Variants in FKBP11 observed in about 807,000 individuals in gnomAD.
The protein encoded by FKBP11 is FKBP prolyl isomerase 11, also known as peptidyl-prolyl cis-trans isomerase FKBP11.
A neutral mutation model predicts 24.7 loss-of-function variants in FKBP11; 21 were observed. The ratio of observed to expected loss-of-function variants is 0.85; its 90% CI spans 0.60 to 1.23. FKBP11 has a LOEUF of 1.23. Among genes scored for constraint, FKBP11 ranks in the 50% most tolerant of loss-of-function variants. The probability of loss-of-function intolerance (pLI) is 0.00; values close to 1 mark genes in which losing one functional copy is unlikely to be tolerated. For synonymous variants in FKBP11, 106 were observed against 100.6 expected (o/e 1.05, Z -0.32); for missense variants, 245 against 248.7 (o/e 0.99, Z 0.10).
At position 48,922,080 on chromosome 12, in the gene FKBP11, G is replaced by A. The variant is rs755875914; in HGVS notation, c.510C>T (p.Gly170=). 6.2e-6 allele frequency: 10 copies of A among 1,614,078 alleles called. No homozygotes were observed. In the Admixed American group the frequency reaches 1.3e-4, roughly 22 times the overall value. The change falls in exon 6 of 6, where the codon GGC becomes GGT. Residue 170 remains glycine (G), a synonymous_variant. Coordinates refer to ENST00000550765, the MANE Select transcript of FKBP11 (RefSeq NM_016594.3). ...VGMAMVPALL[G]LIGYHLYRKA... ...TTCTGTATAGGTGATACCCAATGAGGCCCAGGAGGGCTGGCACCATGGCCA... is the reference window on the plus strand; with the variant it reads ...TTCTGTATAGGTGATACCCAATGAGACCCAGGAGGGCTGGCACCATGGCCA...
the FKBP11 span, chr12:48,931,760 C>A: frequency 2.5e-6 from 1 of 399,758 alleles, no homozygotes; most frequent in Non-Finnish European, 4.5e-6. Flanking sequence ...AAAGAATAAG[C>A]AGAACACTGC....
At chr12:48,938,117 C>T in the FKBP11 span, 9 of 311,950 alleles carry the variant, frequency 2.9e-5, no homozygotes, top group Non-Finnish European at 5.8e-5. Context: ...CTCTCCTTCC[C>T]AACAGTAAGG....
At chr12:48,928,818 C>CTTTTTTTTTT (rs1196484675), upstream of FKBP11, among the ~76,000 whole-genome samples, 24 of 94,246 alleles carry the variant, frequency 2.5e-4, no homozygotes, top group African/African-American at 4.7e-4. Flanking sequence ...AAACTTCTAT[C>CTTTTTTTTTT]TTTTTTTTTT....
In FKBP11 at chr12:48,925,063, G is replaced by C; in HGVS notation, c.178C>G (p.Leu60Val). 6.3e-7 allele frequency: 1 copy of C among 1,593,898 alleles called. No homozygotes were observed. The highest frequency in any genetic ancestry group is 8.6e-7 in the Non-Finnish European group (1 of 1,167,512). Reference protein sequence around the residue: ...CAEPAAFGDTLHIHYTGSLVD... With the variant: ...CAEPAAFGDTVHIHYTGSLVD... ...CCCCTCACCGTGTAGTGTATGTGAAGCGTGTCTCCAAAAGCAGCGGGCTCG... is the reference window on the plus strand; with the variant it reads ...CCCCTCACCGTGTAGTGTATGTGAACCGTGTCTCCAAAAGCAGCGGGCTCG... Residue 60 changes from leucine (L) to valine (V), a missense_variant, in exon 2 of 6, where the codon CTT (leucine) becomes GTT (valine). Transcript: ENST00000550765.
rs764524957 is a variant in FKBP11, at chr12:48,922,050, G to A, written c.540C>T (p.Ala180=). ...GLIGYHLYRK[A]NRPKVSKKKL... is the part of the protein sequence containing the mutation. ...TCTTTTTGGAGACTTTGGGTCTATT[G>A]GCCTTTCTGTATAGGTGATACCCAA... Residue 180 remains alanine, a synonymous_variant, in exon 6 of 6, where the codon GCC becomes GCT. Coordinates refer to ENST00000550765, the MANE Select transcript of FKBP11 (RefSeq NM_016594.3). 6.2e-7 allele frequency: 1 copy of A among 1,613,706 alleles called. No individual in the cohort carries two copies. Among genetic ancestry groups the A allele is most frequent in the Admixed American group, 1.7e-5 (1 of 59,994 alleles).
chr12:48,934,690 C>T, the FKBP11 span, among the ~76,000 whole-genome samples: 1 of 152,152 alleles, frequency 6.6e-6, no homozygotes, highest in Non-Finnish European at 1.5e-5. Context: ...GAGGTTGTAG[C>T]TCTGAAAGAT....
chr12:48,924,402 T>C (rs2137556404), intron 3 of FKBP11, 146 bp from the exon 4 acceptor site: 3 of 1,185,198 alleles, frequency 2.5e-6, no homozygotes, highest in Non-Finnish European at 3.7e-6. Flanking sequence ...ATGGGACAAG[T>C]GGAGTACTAG....
At chr12:48,924,310 A>G in intron 3 of FKBP11, 54 bp from the exon 4 acceptor site, 2 of 1,607,970 alleles carry the variant, frequency 1.2e-6, no homozygotes, top group South Asian at 2.2e-5. Context: ...CCCAAATCCC[A>G]TGACATGAAG....
At chr12:48,923,421 T>TG (rs79755809) in intron 5 of FKBP11, 556,507 of 1,500,836 alleles carry the variant, frequency 0.37, 106,432 homozygotes, top group Admixed American at 0.51. Context: ...AAGGAAGGGG[T>TG]GGGGGGTGGC....
chr12:48,928,816 A>ATTTTTT (rs1339667231), upstream of FKBP11, among the ~76,000 whole-genome samples: 1 of 103,472 alleles, frequency 9.7e-6, no homozygotes, highest in Non-Finnish European at 2.0e-5. Context: ...ATAAACTTCT[A>ATTTTTT]TCTTTTTTTT....
At chr12:48,932,652 A>C in the FKBP11 span, among the ~76,000 whole-genome samples, 82 of 152,112 alleles carry the variant, frequency 5.4e-4, no homozygotes, top group African/African-American at 1.8e-3. Context: ...TACTATATTC[A>C]GAACTCAGAA....
upstream of FKBP11, among the ~76,000 whole-genome samples, chr12:48,927,955 G>A (rs1015988909): frequency 5.3e-5 from 8 of 151,104 alleles, no homozygotes; most frequent in South Asian, 4.2e-4. Context: ...CTAGTCAAGT[G>A]CAGTAGTGAG....
At chr12:48,922,349 CAA>C (rs1178824254) in intron 5 of FKBP11, 148 bp from the exon 6 acceptor site, 3 of 796,256 alleles carry the variant, frequency 3.8e-6, no homozygotes, top group African/African-American at 3.5e-5. Context: ...TTCCTTTAGA[CAA>C]GAGTAGAGGA....
At chr12:48,938,632 G>A in the FKBP11 span, 1 of 447,296 alleles carries the variant, frequency 2.2e-6, no homozygotes, top group East Asian at 6.2e-5. Flanking sequence ...GCCAAACAAA[G>A]AGAATACCCC....
At chr12:48,930,911 G>A (rs556728676), upstream of FKBP11, among the ~76,000 whole-genome samples, 30 of 151,982 alleles carry the variant, frequency 2.0e-4, no homozygotes, top group South Asian at 6.0e-3. Context: ...GGCGGATCAC[G>A]AGGTCAGGAT....
chr12:48,923,360 G>C (rs1939878728), intron 5 of FKBP11: 1 of 1,431,460 alleles, frequency 7.0e-7, no homozygotes, highest in Non-Finnish European at 9.1e-7. Flanking sequence ...GTTTTGTTTT[G>C]AATCACTTGA....
intron 5 of FKBP11, chr12:48,923,041 G>A (rs112562914): frequency 0.048 from 36,320 of 754,106 alleles, 1,145 homozygotes; most frequent in Non-Finnish European, 0.058. Context: ...CCAGCTACTC[G>A]GGAGGCTGAG....
At position 48,924,224 on chromosome 12, in the gene FKBP11, C is replaced by A. The variant is rs201237513; in HGVS notation, c.316G>T (p.Gly106Ter). Reference sequence around the variant, plus strand: ...GCCCACCCCTGCCGAGATACTCACCCCACACACATGTCGAGAAGACTCTGC... The same window carrying A: ...GCCCACCCCTGCCGAGATACTCACCACACACACATGTCGAGAAGACTCTGC... The part of the protein sequence containing the change: ...LEQSLLDMCV[G>*]EKRRAIIPSH... The change falls in exon 4 of 6, where the codon GGA becomes TGA. Residue 106 changes from glycine (G) to a stop codon, truncating the protein, a stop_gained and splice_region_variant. Transcript: ENST00000550765. LOFTEE classifies it high-confidence loss of function. 21 of 1,614,054 alleles carry A rather than the reference C, an allele frequency of 1.3e-5. 2 individuals are homozygous for A. The South Asian group carries it at 2.3e-4, about 18-fold the overall frequency.
At chr12:48,930,534 C>T (rs1330433765), upstream of FKBP11, among the ~76,000 whole-genome samples, 4 of 151,962 alleles carry the variant, frequency 2.6e-5, no homozygotes, top group South Asian at 4.1e-4. Context: ...AAATATTACA[C>T]GAATAAACAA....
Sources: gnomAD v4.1 joint callset for allele counts (sites outside exome capture counted in the v4.1 genomes callset) on GRCh38, gnomAD v4.1.1 for gene constraint, MANE v1.5 for transcripts, NCBI Gene and HGNC (gene_info 2026-07-23, HGNC 2026-07-21) for gene names.